The following SNTB1 variants were observed in gnomAD, a reference collection of about 807,000 sequenced individuals.
The protein encoded by SNTB1 is beta-1-syntrophin.
Under a neutral mutation model 48.9 loss-of-function variants are expected in SNTB1, and 36 were observed. The observed-to-expected ratio is 0.74, with a 90% confidence interval of 0.56 to 0.97. The LOEUF (loss-of-function observed/expected upper bound fraction) is 0.97. Ranked by LOEUF, SNTB1 falls within the 50% of genes least tolerant of loss-of-function variation. The pLI, the probability that SNTB1 is intolerant of heterozygous loss-of-function variation, is 0.00. For synonymous variants in SNTB1, 299 were observed against 294.6 expected (o/e 1.01, Z -0.15); for missense variants, 786 against 703.4 (o/e 1.12, Z -1.33).
At chr8:120,554,527 C>T (rs947990450) in intron 4 of SNTB1, among the ~76,000 whole-genome samples, 6 of 152,146 alleles carry the variant, frequency 3.9e-5, no homozygotes, top group Non-Finnish European at 7.3e-5. Flanking sequence ...ATAGTTTTCA[C>T]TCGGCAAACA....
At chr8:120,648,928 C>T (rs544537349) in intron 2 of SNTB1, among the ~76,000 whole-genome samples, 82 of 151,756 alleles carry the variant, frequency 5.4e-4, no homozygotes, top group African/African-American at 1.7e-3. Context: ...CATCTTCCAT[C>T]GCTGATACCC....
At chr8:120,578,537 T>G (rs1376974990) in intron 3 of SNTB1, among the ~76,000 whole-genome samples, 2 of 152,210 alleles carry the variant, frequency 1.3e-5, no homozygotes, top group Non-Finnish European at 2.9e-5. Context: ...TCTGCCTGGC[T>G]TCCTGCCTTG....
chr8:120,583,012 T>C (rs1697055037), intron 3 of SNTB1, among the ~76,000 whole-genome samples: 1 of 152,128 alleles, frequency 6.6e-6, no homozygotes, highest in Non-Finnish European at 1.5e-5. Context: ...CTCTCATCTA[T>C]AATCCCAGCG....
chr8:120,622,173 T>C (rs1816804531), intron 3 of SNTB1, among the ~76,000 whole-genome samples: 1 of 152,202 alleles, frequency 6.6e-6, no homozygotes, highest in African/African-American at 2.4e-5. Context: ...ATCACTGTGA[T>C]AAAGTGACTA....
intron 1 of SNTB1, among the ~76,000 whole-genome samples, chr8:120,700,438 G>C (rs999977943): frequency 2.0e-5 from 3 of 152,268 alleles, no homozygotes; most frequent in African/African-American, 7.2e-5. Context: ...GCAAAGAGCT[G>C]TTGAAACTGA....
At chr8:120,752,171 A>G (rs1819229616) in intron 1 of SNTB1, among the ~76,000 whole-genome samples, 1 of 152,092 alleles carries the variant, frequency 6.6e-6, no homozygotes, top group Non-Finnish European at 1.5e-5. Flanking sequence ...ATTAGGCCAA[A>G]AGGGAATGAA....
intron 4 of SNTB1, among the ~76,000 whole-genome samples, chr8:120,559,026 A>T (rs4297067): frequency 1.3e-5 from 2 of 152,092 alleles, no homozygotes; most frequent in Admixed American, 1.3e-4. Flanking sequence ...GTTTGTGATT[A>T]ATGACTACTA....
intron 3 of SNTB1, among the ~76,000 whole-genome samples, chr8:120,589,524 T>C (rs1174178695): frequency 6.6e-6 from 1 of 152,214 alleles, no homozygotes; most frequent in African/African-American, 2.4e-5. Flanking sequence ...CAAATTACCA[T>C]AGACTGAGTT....
At position 120,621,469 on chromosome 8, in the gene SNTB1, G is replaced by T. The variant is rs539615932; in HGVS notation, c.996+10975C>A. ...ACAAGAAGTGAGAAATGGGAAAGTG[G>T]AGGGGTAGGGAAGGGAGGTCAGAGA... On this transcript the variant is annotated intron_variant, in intron 3 of 6. Transcript: ENST00000517992. Among the ~76,000 whole-genome samples the T allele has an allele frequency of 5.9e-5, 9 of 152,338 alleles. No individual in the cohort carries two copies. The South Asian group carries it at 1.2e-3, about 21-fold the overall frequency.
intron 4 of SNTB1, among the ~76,000 whole-genome samples, chr8:120,557,019 C>T (rs759305877): frequency 1.3e-5 from 2 of 152,262 alleles, no homozygotes; most frequent in Non-Finnish European, 2.9e-5. Flanking sequence ...CCCAAAGGGC[C>T]ATGTCTACTG....
intron 2 of SNTB1, among the ~76,000 whole-genome samples, chr8:120,650,380 A>G (rs1024134187): frequency 2.0e-5 from 3 of 152,124 alleles, no homozygotes; most frequent in African/African-American, 7.2e-5. Context: ...ATCTGACAAA[A>G]CTTTGGCATG....
At chr8:120,630,810 C>T (rs1816967606) in intron 3 of SNTB1, among the ~76,000 whole-genome samples, 4 of 152,166 alleles carry the variant, frequency 2.6e-5, no homozygotes, top group Admixed American at 2.6e-4. Context: ...CCCAATTAGA[C>T]TTATAATCTC....
At chr8:120,650,561 C>T (rs559018548) in intron 2 of SNTB1, among the ~76,000 whole-genome samples, 10 of 152,118 alleles carry the variant, frequency 6.6e-5, no homozygotes, top group Admixed American at 1.3e-4. Flanking sequence ...CTAAGGCAAA[C>T]GATAGGTACT....
intron 3 of SNTB1, among the ~76,000 whole-genome samples, chr8:120,592,138 T>C (rs1279069162): frequency 6.6e-6 from 1 of 152,118 alleles, no homozygotes; most frequent in East Asian, 1.9e-4. Context: ...GATAGAAAGC[T>C]ACTAAAAATA....
At chr8:120,703,007 T>C (rs1818330610) in intron 1 of SNTB1, among the ~76,000 whole-genome samples, 1 of 152,226 alleles carries the variant, frequency 6.6e-6, no homozygotes, top group African/African-American at 2.4e-5. Flanking sequence ...AAGTACTCAT[T>C]ACTGTCAGAA....
At chr8:120,638,392 ATTTTCTTTTTT>A (rs1355669356) in intron 2 of SNTB1, among the ~76,000 whole-genome samples, 8 of 151,450 alleles carry the variant, frequency 5.3e-5, no homozygotes, top group Admixed American at 4.6e-4. Context: ...AGGAATGAGT[ATTTTCTTTTTT>A]TTTTCTTTTT....
At chr8:120,776,994 AATTAAC>A (rs1346221900) in intron 1 of SNTB1, among the ~76,000 whole-genome samples, 1 of 152,222 alleles carries the variant, frequency 6.6e-6, no homozygotes, top group Non-Finnish European at 1.5e-5. Context: ...TAGAAGTAAG[AATTAAC>A]ATTCCAGTTT....
chr8:120,756,448 G>C (rs1819319415), intron 1 of SNTB1, among the ~76,000 whole-genome samples: 1 of 152,186 alleles, frequency 6.6e-6, no homozygotes, highest in Non-Finnish European at 1.5e-5. Flanking sequence ...AAAATATTCA[G>C]AAGTGCTTAT....
chr8:120,752,705 GTTAA>G (rs34962824), intron 1 of SNTB1, among the ~76,000 whole-genome samples: 19,552 of 151,950 alleles, frequency 0.13, 1,614 homozygotes, highest in African/African-American at 0.23. Flanking sequence ...GATATCCTAA[GTTAA>G]TTAATGCAGG....
Sources: gnomAD v4.1 joint callset for allele counts (sites outside exome capture counted in the v4.1 genomes callset) on GRCh38, gnomAD v4.1.1 for gene constraint, MANE v1.5 for transcripts, NCBI Gene and HGNC (gene_info 2026-07-23, HGNC 2026-07-21) for gene names.